SIL1: variants seen among roughly 807,000 people sequenced by gnomAD.
The protein encoded by SIL1 is nucleotide exchange factor SIL1.
A neutral mutation model predicts 49.1 loss-of-function variants in SIL1; 40 were observed. The ratio of observed to expected loss-of-function variants is 0.81; its 90% CI spans 0.63 to 1.06. The LOEUF (loss-of-function observed/expected upper bound fraction) is 1.06, where lower values mean the gene tolerates loss of function less well. SIL1 is among the 50% of genes least tolerant of loss of function. The pLI is 0.00. For missense variants in SIL1, 500 were observed against 572.6 expected (o/e 0.87, Z 1.29); for synonymous variants, 253 against 250.8 (o/e 1.01, Z -0.08).
chr5:139,074,549 T>G (rs1441981898), intron 3 of SIL1, among the ~76,000 whole-genome samples: 1 of 152,202 alleles, frequency 6.6e-6, no homozygotes, highest in Non-Finnish European at 1.5e-5. Flanking sequence ...CTTGCACAAA[T>G]GCAAATCAAC....
At chr5:139,138,827 C>A (rs1751027104) in intron 1 of SIL1, among the ~76,000 whole-genome samples, 1 of 152,226 alleles carries the variant, frequency 6.6e-6, no homozygotes, top group African/African-American at 2.4e-5. Context: ...CACCCCCATA[C>A]AGAACTGTCT....
chr5:139,151,032 A>T (rs1160936354), intron 1 of SIL1, among the ~76,000 whole-genome samples: 1 of 152,168 alleles, frequency 6.6e-6, no homozygotes, highest in Non-Finnish European at 1.5e-5. Flanking sequence ...CAGGAGGAGG[A>T]TGCTGGTATT....
intron 1 of SIL1, among the ~76,000 whole-genome samples, chr5:139,137,071 A>C (rs1379705627): frequency 1.3e-5 from 2 of 152,228 alleles, no homozygotes; most frequent in Non-Finnish European, 2.9e-5. Flanking sequence ...GTGGAAATGT[A>C]ATAATAACTC....
chr5:139,143,912 C>T (rs1331379712), intron 1 of SIL1, among the ~76,000 whole-genome samples: 6 of 152,084 alleles, frequency 3.9e-5, no homozygotes, highest in Admixed American at 6.6e-5. Flanking sequence ...AACTACAAAA[C>T]GCTGCTGAAG....
intron 3 of SIL1, among the ~76,000 whole-genome samples, chr5:139,086,873 T>C (rs1770234212): frequency 1.3e-5 from 2 of 151,776 alleles, no homozygotes; most frequent in Admixed American, 6.6e-5. Flanking sequence ...GGCAGGGGAA[T>C]AACTTGAACT....
chr5:139,146,970 C>T (rs1251375313), intron 1 of SIL1, among the ~76,000 whole-genome samples: 1 of 152,168 alleles, frequency 6.6e-6, no homozygotes, highest in East Asian at 1.9e-4. Flanking sequence ...TATGAATTGC[C>T]TGAGTACATG....
At chr5:139,111,703 CTCT>C (rs1770842269) in intron 3 of SIL1, among the ~76,000 whole-genome samples, 1 of 152,150 alleles carries the variant, frequency 6.6e-6, no homozygotes, top group Non-Finnish European at 1.5e-5. Context: ...TTCAGTTCTC[CTCT>C]TCTACTATCA....
chr5:138,976,015 A>G (rs1479435704), intron 7 of SIL1, among the ~76,000 whole-genome samples: 2 of 152,252 alleles, frequency 1.3e-5, no homozygotes, highest in East Asian at 1.9e-4. Flanking sequence ...GCTTCACAGC[A>G]TTGTTTCCAG....
chr5:139,157,621 C>T (rs1231618112), intron 1 of SIL1, among the ~76,000 whole-genome samples: 1 of 152,210 alleles, frequency 6.6e-6, no homozygotes, highest in Non-Finnish European at 1.5e-5. Flanking sequence ...TGAACCTATT[C>T]TGACAAGTGT....
intron 2 of SIL1, 88 bp downstream of exon 2, chr5:139,127,651 C>T: frequency 9.5e-7 from 1 of 1,053,468 alleles, no homozygotes; most frequent in Non-Finnish European, 1.4e-6. Flanking sequence ...TAGAAGCCCA[C>T]ACCCTACTCC....
intron 3 of SIL1, among the ~76,000 whole-genome samples, chr5:139,099,724 C>A (rs1770545898): frequency 6.6e-6 from 1 of 151,780 alleles, no homozygotes; most frequent in Admixed American, 6.6e-5. Flanking sequence ...ATCTAAAAAT[C>A]AAAACAATTG....
intron 3 of SIL1, among the ~76,000 whole-genome samples, chr5:139,056,384 C>T (rs1769424067): frequency 6.6e-6 from 1 of 150,510 alleles, no homozygotes; most frequent in African/African-American, 2.4e-5. Flanking sequence ...GTGAGGAGAC[C>T]CTCTGCCCCA....
At chr5:139,070,948 C>T (rs886832326) in intron 3 of SIL1, among the ~76,000 whole-genome samples, 2 of 152,010 alleles carry the variant, frequency 1.3e-5, no homozygotes, top group Non-Finnish European at 2.9e-5. Context: ...ATTTGAGTAT[C>T]ACCCTCTTGC....
At chr5:138,991,236 G>A (rs1048503182) in intron 7 of SIL1, among the ~76,000 whole-genome samples, 1 of 152,248 alleles carries the variant, frequency 6.6e-6, no homozygotes, top group East Asian at 1.9e-4. Context: ...CCAGCAGCCT[G>A]GCTGAAGTAG....
At chr5:138,968,373 A>T (rs1767196337) in intron 7 of SIL1, among the ~76,000 whole-genome samples, 1 of 152,130 alleles carries the variant, frequency 6.6e-6, no homozygotes, top group Non-Finnish European at 1.5e-5. Flanking sequence ...CAAAGTGATG[A>T]GGAGGGAGGA....
intron 1 of SIL1, among the ~76,000 whole-genome samples, chr5:139,170,443 A>G (rs1173356359): frequency 1.4e-5 from 2 of 146,096 alleles, no homozygotes; most frequent in East Asian, 2.1e-4. Context: ...CCCAGCCGCC[A>G]TCCCATCTAG....
intron 3 of SIL1, among the ~76,000 whole-genome samples, chr5:139,054,715 A>G (rs1769369224): frequency 6.6e-6 from 1 of 152,232 alleles, no homozygotes. Flanking sequence ...TCGCCAAAGA[A>G]GAGACTAGGT....
intron 1 of SIL1, among the ~76,000 whole-genome samples, chr5:139,152,175 G>A (rs933455244): frequency 2.0e-5 from 3 of 152,170 alleles, no homozygotes; most frequent in African/African-American, 4.8e-5. Context: ...TCAGGCCTGC[G>A]GCAGGCCACG....
intron 7 of SIL1, among the ~76,000 whole-genome samples, chr5:139,004,904 A>C (rs1768074403): frequency 6.6e-6 from 1 of 152,220 alleles, no homozygotes; most frequent in Non-Finnish European, 1.5e-5. Context: ...ATCTAAAAAA[A>C]TTTATCTCAT....
Sources: allele counts gnomAD v4.1 joint callset (sites outside exome capture counted in the v4.1 genomes callset), GRCh38; gene constraint gnomAD v4.1.1; transcripts MANE v1.5; gene names NCBI Gene and HGNC (gene_info 2026-07-23, HGNC 2026-07-21).